DNAAF8: variants seen among roughly 807,000 people sequenced by gnomAD.
The protein encoded by DNAAF8 is dynein axonemal-associated protein 1.
A neutral mutation model predicts 54.6 loss-of-function variants in DNAAF8; 61 were observed. The ratio of observed to expected loss-of-function variants is 1.12; its 90% CI spans 0.91 to 1.38. The LOEUF is 1.38. DNAAF8 is among the 40% of genes most tolerant of loss of function. The pLI is 0.00. For missense variants in DNAAF8, 837 were observed against 665.0 expected (o/e 1.26, Z -2.85); for synonymous variants, 320 against 270.1 (o/e 1.18, Z -1.81).
intron 5 of DNAAF8, chr16:4,743,427 C>T (rs2081976610): frequency 3.4e-6 from 1 of 297,702 alleles, no homozygotes; most frequent in South Asian, 7.7e-5. Context: ...ATGACCCATA[C>T]CTCCTCTTCC....
In DNAAF8 at chr16:4,740,180, A is replaced by G. The variant is rs1596482881; in HGVS notation, c.304A>G (p.Thr102Ala). The change falls in exon 4 of 10, where the codon ACA (threonine) becomes GCA (alanine). Residue 102 changes from threonine (T) to alanine (A), a missense_variant. Thr to Ala is a moderately conservative substitution (Grantham distance 58). Coordinates refer to ENST00000299320, the MANE Select transcript of DNAAF8 (RefSeq NM_139170.3). ...EPVLVPAELA[T>A]EPGCRQNTRT... ...AGTTCTGGTGCCTGCAGAATTGGCC[A>G]CAGAACCTGGGTGCAGACAGAACAC... is the stretch of plus-strand genomic sequence containing the variant. 6.2e-7 allele frequency: 1 copy of G among 1,611,946 alleles called. No individual in the cohort carries two copies. Among genetic ancestry groups the G allele is most frequent in the Non-Finnish European group, 8.5e-7 (1 of 1,178,606 alleles).
chr16:4,747,274 TTTCAGTA>T, intron 8 of DNAAF8, 62 bp from the exon 9 acceptor site: 1 of 1,487,158 alleles, frequency 6.7e-7, no homozygotes, highest in Non-Finnish European at 9.0e-7. Context: ...TTTTCTCCTG[TTTCAGTA>T]AGGAGGGCTG....
Position 4,740,669 on chromosome 16 carries a change from TCCC to T in DNAAF8, c.783+12_783+14del. On this transcript the variant is annotated intron_variant, in intron 4 of 9. Coordinates refer to ENST00000299320, the MANE Select transcript of DNAAF8 (RefSeq NM_139170.3). ...AGTGCTCTCGCTCCAGGTAGGCGCCTCCCCGTGCCTGGCTGTTTCTCAGGCCTG... is the reference window on the plus strand; with the variant it reads ...AGTGCTCTCGCTCCAGGTAGGCGCCTCGTGCCTGGCTGTTTCTCAGGCCTG... 6.4e-7 allele frequency: 1 copy of T among 1,569,592 alleles called. No homozygotes were observed. The highest frequency in any genetic ancestry group is 8.6e-7 in the Non-Finnish European group (1 of 1,162,842).
At chr16:4,738,177 G>T (rs943061596) in intron 3 of DNAAF8, among the ~76,000 whole-genome samples, 1 of 151,994 alleles carries the variant, frequency 6.6e-6, no homozygotes, top group African/African-American at 2.4e-5. Context: ...TTTTCCATCC[G>T]ATTTTGACCC....
rs762845674 is a variant in DNAAF8 at position 4,747,516 on chromosome 16, G to T, written c.1454G>T (p.Gly485Val). Residue 485 changes from glycine (G) to valine (V), a missense_variant, in exon 9 of 10, where the codon GGG (glycine) becomes GTG (valine). Coordinates refer to ENST00000299320, the MANE Select transcript of DNAAF8 (RefSeq NM_139170.3). ...RKQHMKLCAK[G>V]QSAQARLPRG... ...CAACACATGAAGCTCTGTGCCAAGG[G>T]GCAGAGCGCCCAGGCTCGACTCCCA... 1.1e-5 allele frequency: 18 copies of T among 1,613,142 alleles called. No homozygotes were observed. The highest frequency in any genetic ancestry group is 1.5e-5 in the Non-Finnish European group (18 of 1,179,964).
chr16:4,739,137 C>A (rs930042025), intron 3 of DNAAF8, among the ~76,000 whole-genome samples: 1 of 152,056 alleles, frequency 6.6e-6, no homozygotes, highest in African/African-American at 2.4e-5. Context: ...TAACCCCACA[C>A]AAGAGAGATC....
At chr16:4,747,194 C>T in intron 8 of DNAAF8, 149 bp from the exon 9 acceptor site, 1 of 1,207,966 alleles carries the variant, frequency 8.3e-7, no homozygotes, top group Non-Finnish European at 1.2e-6. Flanking sequence ...CACTGGGTCC[C>T]AGCAGTGGCA....
chr16:4,738,778 G>A (rs138699854), intron 3 of DNAAF8, among the ~76,000 whole-genome samples: 4 of 152,150 alleles, frequency 2.6e-5, no homozygotes, highest in African/African-American at 9.7e-5. Context: ...AGCTACTCCA[G>A]AGGCTGAGAC....
In DNAAF8 at chr16:4,747,599, C is replaced by T. The variant is rs765238034; in HGVS notation, c.1537C>T (p.Leu513=). The change falls in exon 9 of 10, where the codon CTG becomes TTG. Residue 513 remains leucine (L), a synonymous_variant. Transcript: ENST00000299320. ...VPEPGAAREA[L]MPPLEQL is the part of the protein sequence containing the mutation. ...TGAGCCAGGGGCAGCCAGGGAGGCC[C>T]TGATGCCTCCTCTGGAGCAACTATA... The T allele has an allele frequency of 1.2e-6, 2 of 1,609,546 alleles. No homozygotes were observed. Among genetic ancestry groups the T allele is most frequent in the East Asian group, 4.5e-5 (2 of 44,818 alleles).
At chr16:4,744,561 C>A (rs919634711) in intron 5 of DNAAF8, among the ~76,000 whole-genome samples, 7 of 151,930 alleles carry the variant, frequency 4.6e-5, no homozygotes, top group African/African-American at 1.7e-4. Context: ...CAGAACTGTT[C>A]ATTATGATCA....
intron 4 of DNAAF8, 25 bp from the exon 5 acceptor site, chr16:4,743,018 T>C: frequency 6.4e-7 from 1 of 1,553,970 alleles, no homozygotes; most frequent in Non-Finnish European, 8.9e-7. Context: ...AGCATCCTCA[T>C]AATCACTGGT....
At chr16:4,744,238 T>C (rs1038739678) in intron 5 of DNAAF8, among the ~76,000 whole-genome samples, 2 of 152,200 alleles carry the variant, frequency 1.3e-5, no homozygotes, top group Non-Finnish European at 2.9e-5. Flanking sequence ...GCCGAATGTA[T>C]TCTCTGTTTT....
intron 8 of DNAAF8, 85 bp from the exon 9 acceptor site, chr16:4,747,258 A>C: frequency 6.9e-7 from 1 of 1,455,076 alleles, no homozygotes; most frequent in Admixed American, 2.3e-5. Context: ...AGCTGGGCTC[A>C]TCTGCTTTTC....
At chr16:4,740,058 CAAAAA>C in intron 3 of DNAAF8, 90 bp from the exon 4 acceptor site, 1 of 1,212,894 alleles carries the variant, frequency 8.2e-7, no homozygotes. Context: ...GACTTCACCT[CAAAAA>C]AAAAAAAAAA....
rs755042668 is a variant in DNAAF8, at chr16:4,738,117, C to T, written c.276+171C>T. 54 of 816,732 alleles carry T rather than the reference C, an allele frequency of 6.6e-5. No individual in the cohort carries two copies. The Middle Eastern group carries it at 1.8e-3, about 27-fold the overall frequency. The allele number at this position is 816,732 out of a possible 1,614,324, so 50.6% of individuals were successfully genotyped here. Reference sequence around the variant, plus strand: ...ATGCCCAACATCTAACCTCCACGCACCTCCCTCTCCTGGGGAGCCCGGCAC... The same window carrying T: ...ATGCCCAACATCTAACCTCCACGCATCTCCCTCTCCTGGGGAGCCCGGCAC... On this transcript the variant is annotated intron_variant, in intron 3 of 9. Transcript: ENST00000299320.
In DNAAF8 at chr16:4,746,984, G is replaced by T; in HGVS notation, c.1239G>T (p.Leu413=). 6.5e-7 allele frequency: 1 copy of T among 1,548,436 alleles called. No homozygotes were observed. Among genetic ancestry groups the T allele is most frequent in the Non-Finnish European group, 8.7e-7 (1 of 1,151,738 alleles). Residue 413 remains leucine, a synonymous_variant, in exon 8 of 10, where the codon CTG becomes CTT. Transcript: ENST00000299320. ...AGGAGGAGGAAGAGATGGCAGCTCT[G>T]GGAGACGCAGAGGGGGCATCTCCTT... ...EEEEEEEMAA[L]GDAEGASPSS...
At position 4,748,786 on chromosome 16, in the gene DNAAF8, C is replaced by G. The variant is rs575040975; in HGVS notation, c.*71C>G. 9 of 152,308 alleles carry G rather than the reference C, an allele frequency of 5.9e-5. No individual in the cohort carries two copies. Among genetic ancestry groups the G allele is most frequent in the African/African-American group, 2.2e-4 (9 of 41,458 alleles). 9.4% of individuals were successfully genotyped at this position (152,308 alleles called of 1,614,324 possible). On this transcript the variant is annotated 3_prime_UTR_variant, in exon 10 of 10. Transcript: ENST00000299320. The stretch of plus-strand genomic sequence containing the variant: ...GAAATCATCACCACCTTGGGCCCCA[C>G]GGTGCCACGGGCTCAGGCAGCACAG...
intron 9 of DNAAF8, 133 bp downstream of exon 9, chr16:4,747,767 T>C: frequency 9.2e-7 from 1 of 1,085,594 alleles, no homozygotes; most frequent in Non-Finnish European, 1.3e-6. Flanking sequence ...CTTTGGACTG[T>C]TGCCCACCCT....
chr16:4,746,743 G>A lies in DNAAF8; in HGVS notation c.1182-184G>A. On this transcript the variant is annotated intron_variant, in intron 7 of 9. Transcript: ENST00000299320. ...GGCTCTATGCAATAGAGCCCAACAC[G>A]TCTAGGCTGGAGGGCATCACCCACA... The A allele has an allele frequency of 2.5e-5, 19 of 752,174 alleles. No individual in the cohort carries two copies. In the South Asian group the frequency reaches 2.9e-4, roughly 11 times the overall value. The allele number at this position is 752,174 out of a possible 1,614,324, so 46.6% of individuals were successfully genotyped here.
Sources: gnomAD v4.1 joint callset for allele counts (sites outside exome capture counted in the v4.1 genomes callset) on GRCh38, gnomAD v4.1.1 for gene constraint, MANE v1.5 for transcripts, NCBI Gene and HGNC (gene_info 2026-07-23, HGNC 2026-07-21) for gene names.